Variants in LARGE1 observed in about 807,000 individuals in gnomAD.
LARGE1 encodes the protein LARGE xylosyl- and glucuronyltransferase 1, also known as xylosyl- and glucuronyltransferase LARGE1.
Under a neutral mutation model 87.6 loss-of-function variants are expected in LARGE1, and 43 were observed. That is an observed-to-expected ratio of 0.49 (90% CI 0.38 to 0.63). The LOEUF (loss-of-function observed/expected upper bound fraction) is 0.63. LARGE1 is among the 30% of genes least tolerant of loss of function. LARGE1 has a pLI of 0.00. For missense variants in LARGE1, 802 were observed against 1,000.2 expected (o/e 0.80, Z 2.67); for synonymous variants, 434 against 394.6 (o/e 1.10, Z -1.18).
At chr22:33,683,118 G>A (rs1467753061) in intron 2 of LARGE1, among the ~76,000 whole-genome samples, 2 of 152,202 alleles carry the variant, frequency 1.3e-5, no homozygotes, top group Non-Finnish European at 2.9e-5. Flanking sequence ...TGACTTGACT[G>A]GGCTACAGGG....
intron 11 of LARGE1, among the ~76,000 whole-genome samples, chr22:33,206,876 A>T (rs1924714081): frequency 6.6e-6 from 1 of 152,228 alleles, no homozygotes; most frequent in African/African-American, 2.4e-5. Flanking sequence ...GCTTCATGGC[A>T]TATTGGGCAG....
chr22:33,712,207 T>A (rs1448560101), intron 2 of LARGE1, among the ~76,000 whole-genome samples: 1 of 151,624 alleles, frequency 6.6e-6, no homozygotes, highest in Non-Finnish European at 1.5e-5. Flanking sequence ...CCTGGAACCC[T>A]GGGGATGGGG....
intron 1 of LARGE1, among the ~76,000 whole-genome samples, chr22:33,847,081 C>T (rs7410607): frequency 1.3e-5 from 2 of 152,078 alleles, no homozygotes; most frequent in Non-Finnish European, 2.9e-5. Flanking sequence ...TGGGGAATCA[C>T]GGAACCTACC....
chr22:33,333,426 T>C (rs948455628), intron 10 of LARGE1, among the ~76,000 whole-genome samples: 2 of 152,206 alleles, frequency 1.3e-5, no homozygotes, highest in Non-Finnish European at 2.9e-5. Context: ...AACCCTTCAG[T>C]GGCTCCTCAC....
At chr22:33,388,115 A>T (rs2065392320) in intron 7 of LARGE1, among the ~76,000 whole-genome samples, 1 of 152,196 alleles carries the variant, frequency 6.6e-6, no homozygotes, top group African/African-American at 2.4e-5. Context: ...TATGTCTTTA[A>T]GATTTAACTA....
chr22:33,214,123 A>C (rs1925091900), intron 11 of LARGE1, among the ~76,000 whole-genome samples: 2 of 152,166 alleles, frequency 1.3e-5, no homozygotes, highest in Admixed American at 1.3e-4. Context: ...TTCAAGGTGT[A>C]CCTATGCCAC....
At chr22:33,581,648 CT>C (rs1392594787) in intron 5 of LARGE1, among the ~76,000 whole-genome samples, 1 of 151,792 alleles carries the variant, frequency 6.6e-6, no homozygotes. Flanking sequence ...CCCATCTCTA[CT>C]AAAAATACAA....
intron 5 of LARGE1, among the ~76,000 whole-genome samples, chr22:33,588,584 A>T (rs530870114): frequency 6.6e-6 from 1 of 152,206 alleles, no homozygotes; most frequent in Non-Finnish European, 1.5e-5. Context: ...AAAAATACAA[A>T]AATGAAAAGC....
At chr22:33,588,243 C>T (rs1372380590) in intron 5 of LARGE1, among the ~76,000 whole-genome samples, 1 of 152,162 alleles carries the variant, frequency 6.6e-6, no homozygotes, top group Non-Finnish European at 1.5e-5. Context: ...CCACCAATAC[C>T]CATGCATCAA....
rs575291152 is a variant in LARGE1, at chr22:33,731,547, T to C, written c.106+29824A>G. ...AATAACAGAGTAGAATGGTGCTTCC[T>C]GGGGCTGGGGGGAGGAAGAAATGTG... On this transcript the variant is annotated intron_variant, in intron 2 of 14. Coordinates refer to ENST00000397394, the MANE Select transcript of LARGE1 (RefSeq NM_133642.5). Among the ~76,000 whole-genome samples the C allele has an allele frequency of 1.2e-3, 181 of 152,248 alleles. 2 individuals carry two copies. The highest frequency in any genetic ancestry group is 4.2e-3 in the African/African-American group (175 of 41,534).
intron 7 of LARGE1, among the ~76,000 whole-genome samples, chr22:33,421,214 C>T (rs745465908): frequency 1.8e-5 from 1 of 55,550 alleles, no homozygotes; most frequent in African/African-American, 8.8e-5. Context: ...AAAATAAAAT[C>T]AATCAATCAA....
intron 10 of LARGE1, among the ~76,000 whole-genome samples, chr22:33,326,269 AATTCACGCATCAC>A (rs1937236753): frequency 6.6e-6 from 1 of 152,154 alleles, no homozygotes; most frequent in African/African-American, 2.4e-5. Context: ...TATCAGTATT[AATTCACGCATCAC>A]ATACAATTCA....
At position 33,650,617 on chromosome 22, in the gene LARGE1, C is replaced by T. The variant is rs1328473055; in HGVS notation, c.158G>A (p.Arg53Lys). The T allele has an allele frequency of 1.2e-6, 2 of 1,604,088 alleles. No homozygotes were observed. Among genetic ancestry groups the T allele is most frequent in the Non-Finnish European group, 1.7e-6 (2 of 1,179,950 alleles). ...CTCCCGCTGGCTGGAGGCCGTGTAC[C>T]TGGGGCTGTGTGCCTGGGACTCCAG... Reference protein sequence around the residue: ...SPLESQAHSPRYTASSQRERE... With the variant: ...SPLESQAHSPKYTASSQRERE... Residue 53 changes from arginine (R) to lysine (K), a missense_variant, in exon 3 of 15, where the codon AGG becomes AAG. Arg to Lys is a conservative substitution (Grantham distance 26). Coordinates refer to ENST00000397394, the MANE Select transcript of LARGE1 (RefSeq NM_133642.5).
At chr22:33,751,409 GA>G (rs2084309973) in intron 2 of LARGE1, among the ~76,000 whole-genome samples, 3 of 150,688 alleles carry the variant, frequency 2.0e-5, no homozygotes, top group Admixed American at 2.0e-4. Flanking sequence ...TGAACCTGGG[GA>G]TGGAGCAGAG....
intron 7 of LARGE1, among the ~76,000 whole-genome samples, chr22:33,409,504 T>A (rs763926207): frequency 6.6e-6 from 1 of 152,196 alleles, no homozygotes; most frequent in Non-Finnish European, 1.5e-5. Flanking sequence ...TAGCTGTTAC[T>A]TGACAGTCAG....
Position 33,650,611 on chromosome 22 carries a change from G to C in LARGE1, c.164C>G (p.Thr55Arg), listed in dbSNP as rs766363552. The change falls in exon 3 of 15, where the codon ACG becomes AGG. Residue 55 changes from threonine (T) to arginine (R), a missense_variant. Physicochemically the swap from Thr to Arg is moderately conservative, Grantham distance 71 (BLOSUM62 -1). Transcript: ENST00000397394. ...LESQAHSPRYTASSQRERESL... is the reference protein window; with the variant it reads ...LESQAHSPRYRASSQRERESL... ...CTCGCGCTCCCGCTGGCTGGAGGCCGTGTACCTGGGGCTGTGTGCCTGGGA... is the reference window on the plus strand; with the variant it reads ...CTCGCGCTCCCGCTGGCTGGAGGCCCTGTACCTGGGGCTGTGTGCCTGGGA... The C allele has an allele frequency of 4.4e-6, 7 of 1,604,222 alleles. No individual in the cohort carries two copies. In the East Asian group the frequency reaches 6.7e-5, roughly 15 times the overall value.
chr22:33,751,868 A>G (rs1259772589), intron 2 of LARGE1, among the ~76,000 whole-genome samples: 1 of 151,960 alleles, frequency 6.6e-6, no homozygotes, highest in East Asian at 1.9e-4. Context: ...CCAGGGTTCA[A>G]GCGATCCTCC....
chr22:33,410,418 T>C (rs775101342), intron 7 of LARGE1, among the ~76,000 whole-genome samples: 2 of 151,912 alleles, frequency 1.3e-5, no homozygotes, highest in Non-Finnish European at 2.9e-5. Flanking sequence ...GGTGACTGAA[T>C]CATGGGGGCG....
chr22:33,775,142 C>A (rs962459341), intron 1 of LARGE1, among the ~76,000 whole-genome samples: 4 of 152,190 alleles, frequency 2.6e-5, no homozygotes, highest in African/African-American at 9.7e-5. Flanking sequence ...TCCATCTGTG[C>A]GACTCCACTT....
Sources: gnomAD v4.1 joint callset for allele counts (sites outside exome capture counted in the v4.1 genomes callset) on GRCh38, gnomAD v4.1.1 for gene constraint, MANE v1.5 for transcripts, NCBI Gene and HGNC (gene_info 2026-07-23, HGNC 2026-07-21) for gene names.